PSME4: variants seen among roughly 807,000 people sequenced by gnomAD.
PSME4 encodes the protein proteasome activator complex subunit 4.
PSME4 carries 89 observed loss-of-function variants against 253.9 expected under a neutral mutation model. The observed-to-expected ratio is 0.35, with a 90% confidence interval of 0.30 to 0.42. PSME4 has a LOEUF of 0.42. PSME4 is among the 10% of genes least tolerant of loss of function. The pLI, the probability that PSME4 is intolerant of heterozygous loss-of-function variation, is 1.00. For missense variants in PSME4, 2,014 were observed against 2,195.2 expected (o/e 0.92, Z 1.65); for synonymous variants, 851 against 759.2 (o/e 1.12, Z -1.99).
chr2:53,937,263 A>G (rs1669168301), intron 5 of PSME4, 128 bp downstream of exon 5: 4 of 891,190 alleles, frequency 4.5e-6, no homozygotes, highest in Non-Finnish European at 6.6e-6. Flanking sequence ...CTTCAAGTAT[A>G]ATAAACTTGA....
intron 36 of PSME4, among the ~76,000 whole-genome samples, chr2:53,891,416 G>A (rs1318371033): frequency 6.6e-6 from 1 of 152,054 alleles, no homozygotes; most frequent in African/African-American, 2.4e-5. Flanking sequence ...CAGGTCCATG[G>A]ACTGTATTTT....
intron 5 of PSME4, among the ~76,000 whole-genome samples, chr2:53,937,136 T>C (rs191768276): frequency 6.6e-6 from 1 of 152,310 alleles, no homozygotes; most frequent in East Asian, 1.9e-4. Context: ...TTTTATCTGT[T>C]TTCCTGTTAT....
chr2:53,870,316 T>C (rs982566996), intron 43 of PSME4: 1 of 152,110 alleles, frequency 6.6e-6, no homozygotes, highest in Non-Finnish European at 1.5e-5. Context: ...TCATAAAATG[T>C]TTTACTGGTT....
intron 36 of PSME4, among the ~76,000 whole-genome samples, chr2:53,891,831 G>A (rs2091211348): frequency 6.7e-6 from 1 of 149,586 alleles, no homozygotes; most frequent in African/African-American, 2.5e-5. Context: ...TCCAGCCTGG[G>A]CGATAGGGCG....
In PSME4 at chr2:53,874,364, C is replaced by G; in HGVS notation, c.5075G>C (p.Ser1692Thr). The G allele has an allele frequency of 6.2e-7, 1 of 1,613,578 alleles. No individual in the cohort carries two copies. The highest frequency in any genetic ancestry group is 2.2e-5 in the East Asian group (1 of 44,870). The change falls in exon 43 of 47, where the codon AGT becomes ACT. Residue 1692 changes from serine (S) to threonine (T), a missense_variant. By Grantham distance (58) the Ser-to-Thr change is moderately conservative. Coordinates refer to ENST00000404125, the MANE Select transcript of PSME4 (RefSeq NM_014614.3). ...CTCCAGTTGTTCGTCCTCCAAAAGA[C>G]TTATAACCAGCCACCTGATATCTTT... ...AVKDIRWLVI[S>T]LLEDEQLEVR...
Position 53,864,134 on chromosome 2 carries a change from T to A in PSME4, c.*1444A>T, listed in dbSNP as rs1473042446. On this transcript the variant is annotated 3_prime_UTR_variant, in exon 47 of 47. Coordinates refer to ENST00000404125, the MANE Select transcript of PSME4 (RefSeq NM_014614.3). ...AACTGAAATCAGTTTGGCACTACTT[T>A]ATACAGGGATTACGCCTGTGTATGC... is the stretch of plus-strand genomic sequence containing the variant. 1 of 152,236 alleles carries A rather than the reference T, an allele frequency of 6.6e-6. No individual in the cohort carries two copies. The highest frequency in any genetic ancestry group is 1.5e-5 in the Non-Finnish European group (1 of 68,048). The allele number at this position is 152,236 out of a possible 1,614,324, so 9.4% of individuals were successfully genotyped here.
chr2:53,898,334 T>C lies in PSME4; in HGVS notation c.3443A>G (p.Asp1148Gly). Residue 1148 changes from aspartate (D) to glycine (G), a missense_variant, in exon 30 of 47, where the codon GAC (aspartate) becomes GGC (glycine). Asp to Gly is a moderately conservative substitution (Grantham distance 94, BLOSUM62 -1). Coordinates refer to ENST00000404125, the MANE Select transcript of PSME4 (RefSeq NM_014614.3). ...DALRNYENLV[D>G]TLLDGVEQRN... ...TTGCTCCACACCATCTAGCAAGGTG[T>C]CTACCAAATTTTCATAGTTCCTTTA... is the stretch of plus-strand genomic sequence containing the variant. 1 of 1,605,088 alleles carries C rather than the reference T, an allele frequency of 6.2e-7. No individual in the cohort carries two copies. The highest frequency in any genetic ancestry group is 1.3e-5 in the African/African-American group (1 of 74,644).
intron 44 of PSME4, 94 bp downstream of exon 44, chr2:53,869,282 A>C: frequency 8.1e-7 from 1 of 1,241,264 alleles, no homozygotes; most frequent in Non-Finnish European, 1.1e-6. Flanking sequence ...AGACCTGGGC[A>C]CATACATACA....
At chr2:53,920,700 T>C (rs1410655632) in intron 18 of PSME4, among the ~76,000 whole-genome samples, 189 bp downstream of exon 18, 1 of 152,178 alleles carries the variant, frequency 6.6e-6, no homozygotes, top group Non-Finnish European at 1.5e-5. Context: ...CACATATCAA[T>C]AGGAAAGAAA....
intron 41 of PSME4, among the ~76,000 whole-genome samples, 175 bp downstream of exon 41, chr2:53,885,515 C>T (rs907314786): frequency 1.3e-5 from 2 of 152,186 alleles, no homozygotes; most frequent in Non-Finnish European, 2.9e-5. Context: ...TACTAAAACA[C>T]GATTTCAACA....
chr2:53,906,532 G>C (rs539862127), intron 26 of PSME4, 66 bp downstream of exon 26: 3 of 1,428,200 alleles, frequency 2.1e-6, no homozygotes, highest in Admixed American at 2.6e-5. Context: ...TCTTAAAAGG[G>C]GGATATTAAG....
intron 3 of PSME4, among the ~76,000 whole-genome samples, chr2:53,945,759 T>C (rs1357491864): frequency 6.6e-6 from 1 of 152,208 alleles, no homozygotes; most frequent in African/African-American, 2.4e-5. Flanking sequence ...AAAAATAGCA[T>C]TCTAAAAATA....
rs1229153833 is a variant in PSME4 at position 53,864,924 on chromosome 2, A to G, written c.*654T>C. On this transcript the variant is annotated 3_prime_UTR_variant, in exon 47 of 47. Coordinates refer to ENST00000404125, the MANE Select transcript of PSME4 (RefSeq NM_014614.3). Reference sequence around the variant, plus strand: ...CACATTGAATACACACAACAATCAGATTTCTTCACCAAACCCCCAATTTTT... The same window carrying G: ...CACATTGAATACACACAACAATCAGGTTTCTTCACCAAACCCCCAATTTTT... 1 of 152,604 alleles carries G rather than the reference A, an allele frequency of 6.6e-6. No homozygotes were observed. The highest frequency in any genetic ancestry group is 6.5e-5 in the Admixed American group (1 of 15,280). 9.5% of individuals were successfully genotyped at this position (152,604 alleles called of 1,614,324 possible).
intron 20 of PSME4, among the ~76,000 whole-genome samples, chr2:53,915,721 A>T (rs1412748000): frequency 6.6e-6 from 1 of 152,176 alleles, no homozygotes; most frequent in Non-Finnish European, 1.5e-5. Flanking sequence ...ACAAAAAAAA[A>T]TTACAGCAGC....
At chr2:53,917,560 T>C (rs1668115414) in intron 20 of PSME4, among the ~76,000 whole-genome samples, 1 of 152,274 alleles carries the variant, frequency 6.6e-6, no homozygotes, top group South Asian at 2.1e-4. Flanking sequence ...CAGCAGTGCA[T>C]CCTAATGATT....
chr2:53,936,836 G>GA lies in PSME4; in HGVS notation c.696-10dup. 1 of 1,574,418 alleles carries GA rather than the reference G, an allele frequency of 6.4e-7. No individual in the cohort carries two copies. The highest frequency in any genetic ancestry group is 8.6e-7 in the Non-Finnish European group (1 of 1,159,662). ...ATTCATCAAACCAAAGTCTAAAGAA[G>GA]AAAAATGTTGTTATGAATAGCAAGT... On this transcript the variant is annotated splice_polypyrimidine_tract_variant and intron_variant, in intron 5 of 46. Transcript: ENST00000404125.
At chr2:53,930,369 T>C (rs981886007) in intron 10 of PSME4, among the ~76,000 whole-genome samples, 11 of 152,196 alleles carry the variant, frequency 7.2e-5, no homozygotes, top group Non-Finnish European at 1.5e-4. Flanking sequence ...AAATGTTAGC[T>C]AAGCAAACAG....
At chr2:53,931,156 T>C (rs1163285400) in intron 10 of PSME4, among the ~76,000 whole-genome samples, 1 of 152,148 alleles carries the variant, frequency 6.6e-6, no homozygotes, top group East Asian at 1.9e-4. Context: ...CGGGCGCCTG[T>C]GATCCCACCT....
chr2:53,920,604 G>A (rs1358512043), intron 18 of PSME4, among the ~76,000 whole-genome samples: 2 of 152,164 alleles, frequency 1.3e-5, no homozygotes, highest in African/African-American at 4.8e-5. Flanking sequence ...CTGTAAGAGT[G>A]ATGATGAGTT....
Sources: gnomAD v4.1 joint callset for allele counts (sites outside exome capture counted in the v4.1 genomes callset) on GRCh38, gnomAD v4.1.1 for gene constraint, MANE v1.5 for transcripts, NCBI Gene and HGNC (gene_info 2026-07-23, HGNC 2026-07-21) for gene names.